HSD17B2: variants seen among roughly 807,000 people sequenced by gnomAD.
HSD17B2 encodes the protein hydroxysteroid 17-beta dehydrogenase 2, also known as 17-beta-hydroxysteroid dehydrogenase type 2.
Under a neutral mutation model 26.9 loss-of-function variants are expected in HSD17B2, and 32 were observed. That is an observed-to-expected ratio of 1.19 (90% CI 0.90 to 1.60). HSD17B2 has a LOEUF of 1.60. Ranked by LOEUF, HSD17B2 falls within the 40% of genes most tolerant of loss-of-function variation. The pLI, the probability that HSD17B2 is intolerant of heterozygous loss-of-function variation, is 0.00. For synonymous variants in HSD17B2, 246 were observed against 186.7 expected, an observed-to-expected ratio of 1.32 and a Z score of -2.59; for missense variants, 613 against 468.6, an observed-to-expected ratio of 1.31 and a Z score of -2.85.
chr16:82,050,675 C>T (rs1284232858), intron 1 of HSD17B2, among the ~76,000 whole-genome samples: 1 of 152,194 alleles, frequency 6.6e-6, no homozygotes, highest in East Asian at 1.9e-4. Flanking sequence ...AAGCACCAAG[C>T]TCTAAAGTCT....
intron 1 of HSD17B2, among the ~76,000 whole-genome samples, chr16:82,048,139 A>C (rs751704830): frequency 4.6e-5 from 7 of 152,242 alleles, no homozygotes; most frequent in Non-Finnish European, 7.3e-5. Flanking sequence ...TTAATCTTCC[A>C]CATAGGTAGG....
chr16:82,056,917 G>C (rs1222122458), intron 1 of HSD17B2, among the ~76,000 whole-genome samples: 1 of 152,128 alleles, frequency 6.6e-6, no homozygotes, highest in Non-Finnish European at 1.5e-5. Context: ...TCTGAAGCTT[G>C]GTTTCCTCAC....
At chr16:82,063,298 G>C (rs889920859) in intron 1 of HSD17B2, 1 of 152,188 alleles carries the variant, frequency 6.6e-6, no homozygotes, top group Non-Finnish European at 1.5e-5. Flanking sequence ...TAAAAAGACT[G>C]ATGTAGTAAT....
At chr16:82,041,848 G>C (rs79780455) in intron 1 of HSD17B2, among the ~76,000 whole-genome samples, 3,262 of 152,156 alleles carry the variant, frequency 0.021, 66 homozygotes, top group South Asian at 0.068. Flanking sequence ...CTCTGAGAGA[G>C]GACTGGCAAA....
chr16:82,046,515 G>A (rs1913933588), intron 1 of HSD17B2, among the ~76,000 whole-genome samples: 2 of 152,136 alleles, frequency 1.3e-5, no homozygotes, highest in Non-Finnish European at 2.9e-5. Context: ...TTGAGCCCGG[G>A]AGTTCAACAC....
intron 1 of HSD17B2, among the ~76,000 whole-genome samples, chr16:82,057,612 C>T (rs1914310256): frequency 6.6e-6 from 1 of 152,182 alleles, no homozygotes; most frequent in Non-Finnish European, 1.5e-5. Flanking sequence ...ACCACTTCAA[C>T]CAGGTCAACA....
chr16:82,097,962 A>T, intron 4 of HSD17B2, 113 bp from the exon 5 acceptor site: 1 of 950,470 alleles, frequency 1.1e-6, no homozygotes, highest in Non-Finnish European at 1.5e-6. Context: ...ATAAAAAAAT[A>T]AATAAATAAA....
At chr16:82,059,984 G>A (rs1419713893) in intron 1 of HSD17B2, among the ~76,000 whole-genome samples, 1 of 152,134 alleles carries the variant, frequency 6.6e-6, no homozygotes, top group Non-Finnish European at 1.5e-5. Flanking sequence ...ACTGTTATCC[G>A]TTAAGAATGC....
At chr16:82,083,218 T>A (rs1313865015) in intron 3 of HSD17B2, among the ~76,000 whole-genome samples, 1 of 152,194 alleles carries the variant, frequency 6.6e-6, no homozygotes, top group Non-Finnish European at 1.5e-5. Context: ...CTTCTTTAAG[T>A]TCTTCTCTAA....
intron 3 of HSD17B2, among the ~76,000 whole-genome samples, chr16:82,085,922 A>C (rs564972498): frequency 1.6e-4 from 25 of 151,674 alleles, no homozygotes; most frequent in Non-Finnish European, 3.2e-4. Context: ...AAACCACCAT[A>C]ATATAATATA....
chr16:82,085,940 A>C (rs1904515511), intron 3 of HSD17B2, among the ~76,000 whole-genome samples: 1 of 142,568 alleles, frequency 7.0e-6, no homozygotes, highest in Admixed American at 6.9e-5. Context: ...ATACACCCTA[A>C]GATGGCTATA....
chr16:82,040,856 C>G, intron 1 of HSD17B2, among the ~76,000 whole-genome samples: 1 of 152,156 alleles, frequency 6.6e-6, no homozygotes, highest in East Asian at 1.9e-4. Flanking sequence ...TGAAATAGAA[C>G]TTGGTTAGAT....
chr16:82,035,873 G>T (rs1470459511), intron 1 of HSD17B2, among the ~76,000 whole-genome samples, 184 bp downstream of exon 1: 2 of 152,126 alleles, frequency 1.3e-5, no homozygotes, highest in African/African-American at 2.4e-5. Flanking sequence ...CATTTGAAGG[G>T]GCTGGTAGTG....
Position 82,084,503 on chromosome 16 carries a change from C to T in HSD17B2, c.665-6399C>T, listed in dbSNP as rs145745572. ...TATCCAAGTAAAAGGGACCTCTCAACGGAGAGAGAGTAATCACAGTTGCCT... is the reference window on the plus strand; with the variant it reads ...TATCCAAGTAAAAGGGACCTCTCAATGGAGAGAGAGTAATCACAGTTGCCT... On this transcript the variant is annotated intron_variant, in intron 3 of 4. Transcript: ENST00000199936. Among the ~76,000 whole-genome samples, 796 of 152,188 alleles carry T rather than the reference C, an allele frequency of 5.2e-3. 3 individuals carry two copies. The highest frequency in any genetic ancestry group is 0.018 in the African/African-American group (741 of 41,516).
At chr16:82,074,303 A>G (rs1263119098) in intron 3 of HSD17B2, among the ~76,000 whole-genome samples, 1 of 152,202 alleles carries the variant, frequency 6.6e-6, no homozygotes, top group Non-Finnish European at 1.5e-5. Flanking sequence ...CATCACATCC[A>G]GTTTTGAATC....
intron 1 of HSD17B2, chr16:82,044,610 TAGAG>T (rs1165354604): frequency 3.3e-5 from 5 of 152,238 alleles, no homozygotes; most frequent in Non-Finnish European, 5.9e-5. Flanking sequence ...GTTCTCCTGC[TAGAG>T]AGAGAAAAGA....
chr16:82,067,943 C>T (rs1043612890), intron 1 of HSD17B2, among the ~76,000 whole-genome samples: 4 of 152,194 alleles, frequency 2.6e-5, no homozygotes, highest in African/African-American at 7.2e-5. Flanking sequence ...TGCCCACTCA[C>T]AACCCCTAAT....
chr16:82,070,010 C>T (rs867669006), intron 2 of HSD17B2, among the ~76,000 whole-genome samples: 3 of 152,302 alleles, frequency 2.0e-5, no homozygotes, highest in Non-Finnish European at 2.9e-5. Flanking sequence ...CACTGGTTTA[C>T]GCCAATAACT....
intron 1 of HSD17B2, among the ~76,000 whole-genome samples, chr16:82,047,028 G>T (rs151303002): frequency 1.3e-5 from 2 of 152,176 alleles, no homozygotes; most frequent in East Asian, 1.9e-4. Flanking sequence ...AGCACCTTCC[G>T]CATTCAGACA....
Sources: gnomAD v4.1 joint callset for allele counts (sites outside exome capture counted in the v4.1 genomes callset) on GRCh38, gnomAD v4.1.1 for gene constraint, MANE v1.5 for transcripts, NCBI Gene and HGNC (gene_info 2026-07-23, HGNC 2026-07-21) for gene names.